Variants in ANTXR2 observed in about 807,000 individuals in gnomAD.
ANTXR2 encodes anthrax toxin receptor 2.
A neutral mutation model predicts 73.7 loss-of-function variants in ANTXR2; 44 were observed. The observed-to-expected ratio is 0.60, with a 90% CI of 0.47 to 0.77. ANTXR2 has a LOEUF of 0.77. Among genes scored for constraint, ANTXR2 ranks in the 30% least tolerant of loss-of-function variants. ANTXR2 has a pLI of 0.00. For synonymous variants in ANTXR2, 217 were observed against 205.9 expected (o/e 1.05, Z -0.46); for missense variants, 604 against 592.5 (o/e 1.02, Z -0.20).
At chr4:80,041,423 T>C (rs1219548580) in intron 7 of ANTXR2, among the ~76,000 whole-genome samples, 1 of 152,138 alleles carries the variant, frequency 6.6e-6, no homozygotes, top group Non-Finnish European at 1.5e-5. Flanking sequence ...TTTGCTTTTA[T>C]TTGTTAGGAT....
At chr4:80,004,759 C>G (rs1331583201) in intron 12 of ANTXR2, among the ~76,000 whole-genome samples, 1 of 151,992 alleles carries the variant, frequency 6.6e-6, no homozygotes, top group African/African-American at 2.4e-5. Flanking sequence ...TTACAAGGTT[C>G]CAGGGATTGA....
At chr4:80,061,782 G>A (rs1734274115) in intron 3 of ANTXR2, among the ~76,000 whole-genome samples, 1 of 151,940 alleles carries the variant, frequency 6.6e-6, no homozygotes, top group Non-Finnish European at 1.5e-5. Flanking sequence ...TACTTTTATT[G>A]TCTCCTTCCA....
At chr4:80,055,312 C>T (rs1055256157) in intron 5 of ANTXR2, 48 bp downstream of exon 5, 5 of 1,563,828 alleles carry the variant, frequency 3.2e-6, no homozygotes, top group Non-Finnish European at 3.5e-6. Flanking sequence ...CCGAGACACA[C>T]AGCGATGTAC....
chr4:80,025,121 C>T (rs900182204), intron 10 of ANTXR2, among the ~76,000 whole-genome samples: 4 of 152,204 alleles, frequency 2.6e-5, no homozygotes, highest in Non-Finnish European at 5.9e-5. Flanking sequence ...AGTGTACTTT[C>T]ATGTCAACTG....
At chr4:79,926,246 T>C (rs1010868034) in intron 16 of ANTXR2, among the ~76,000 whole-genome samples, 2 of 152,156 alleles carry the variant, frequency 1.3e-5, no homozygotes, top group Non-Finnish European at 1.5e-5. Flanking sequence ...TGAAGGAATT[T>C]AGTTAACCAT....
chr4:79,954,133 A>C (rs900888832), intron 16 of ANTXR2, among the ~76,000 whole-genome samples: 1 of 152,056 alleles, frequency 6.6e-6, no homozygotes, highest in African/African-American at 2.4e-5. Flanking sequence ...TTACCTACCT[A>C]CCTGCATGAA....
At chr4:80,045,593 TC>T (rs1733483576) in intron 7 of ANTXR2, among the ~76,000 whole-genome samples, 1 of 150,252 alleles carries the variant, frequency 6.7e-6, no homozygotes, top group Non-Finnish European at 1.5e-5. Context: ...TTTTTTTTTT[TC>T]CTGACTCATT....
At chr4:80,018,797 G>T in intron 11 of ANTXR2, 101 bp downstream of exon 11, 3 of 951,236 alleles carry the variant, frequency 3.2e-6, no homozygotes, top group Non-Finnish European at 4.6e-6. Context: ...GTTATTGTTT[G>T]CATCTCCTTT....
At chr4:80,004,446 T>C (rs1276745499) in intron 12 of ANTXR2, among the ~76,000 whole-genome samples, 1 of 151,818 alleles carries the variant, frequency 6.6e-6, no homozygotes, top group African/African-American at 2.4e-5. Flanking sequence ...CTGAAGTGAG[T>C]CTTACAGGGT....
Position 79,903,523 on chromosome 4 carries a change from C to T in ANTXR2, c.*3906G>A, listed in dbSNP as rs1301206969. On this transcript the variant is annotated 3_prime_UTR_variant, in exon 17 of 17. Transcript: ENST00000403729. ...ACAAAAATAAAATACATTAAAAAAC[C>T]AGCGCAGAACCTGCTACATTATGGA... 3.3e-5 allele frequency: 5 copies of T among 152,076 alleles called. No individual in the cohort carries two copies. The highest frequency in any genetic ancestry group is 1.2e-4 in the African/African-American group (5 of 41,424). The allele number at this position is 152,076 out of a possible 1,614,324, so 9.4% of individuals were successfully genotyped here.
At chr4:79,925,059 T>A (rs964091254) in intron 16 of ANTXR2, among the ~76,000 whole-genome samples, 3 of 152,124 alleles carry the variant, frequency 2.0e-5, no homozygotes, top group Admixed American at 1.3e-4. Flanking sequence ...TAAATATGTA[T>A]CATTGTATCT....
At chr4:79,988,636 T>C (rs1730315001) in intron 12 of ANTXR2, among the ~76,000 whole-genome samples, 1 of 152,066 alleles carries the variant, frequency 6.6e-6, no homozygotes, top group African/African-American at 2.4e-5. Context: ...ACCTCAGCAC[T>C]TAACCAAATG....
chr4:80,065,045 T>C (rs1044611719), intron 3 of ANTXR2, among the ~76,000 whole-genome samples: 1 of 152,168 alleles, frequency 6.6e-6, no homozygotes, highest in African/African-American at 2.4e-5. Flanking sequence ...AAAGTCGAGG[T>C]AATAACAGTA....
intron 16 of ANTXR2, among the ~76,000 whole-genome samples, chr4:79,956,064 G>C (rs1308424740): frequency 6.6e-6 from 1 of 151,980 alleles, no homozygotes; most frequent in Admixed American, 6.6e-5. Context: ...GTATACGAAG[G>C]GGTTGAATTA....
At chr4:80,005,236 T>C (rs1731248363) in intron 12 of ANTXR2, among the ~76,000 whole-genome samples, 1 of 152,136 alleles carries the variant, frequency 6.6e-6, no homozygotes, top group Non-Finnish European at 1.5e-5. Flanking sequence ...TGACACACCA[T>C]AAATGTGCCT....
At chr4:80,039,346 C>A (rs1046837522) in intron 7 of ANTXR2, among the ~76,000 whole-genome samples, 1 of 152,016 alleles carries the variant, frequency 6.6e-6, no homozygotes, top group African/African-American at 2.4e-5. Flanking sequence ...AACTAGAAAT[C>A]AAAATAATTT....
intron 12 of ANTXR2, among the ~76,000 whole-genome samples, chr4:80,003,583 A>G (rs978588386): frequency 6.6e-6 from 1 of 152,034 alleles, no homozygotes; most frequent in Admixed American, 6.6e-5. Context: ...AAAATAAAAT[A>G]AAAAGAAAAT....
In ANTXR2 at chr4:80,072,589, C is replaced by T. The variant is rs1314590170; in HGVS notation, c.-29G>A. The T allele has an allele frequency of 1.2e-5, 18 of 1,487,668 alleles. No homozygotes were observed. The Admixed American group carries it at 1.2e-4, about 10-fold the overall frequency. 92.2% of individuals were successfully genotyped at this position (1,487,668 alleles called of 1,614,324 possible). ...GCGGCCGGGGGCCTGAGACTCCCTC[C>T]CGCTCGCAGTCCCCTAAGCTCAGGA... On this transcript the variant is annotated 5_prime_UTR_variant, in exon 1 of 17. Transcript: ENST00000403729.
At chr4:80,044,592 C>T (rs982613576) in intron 7 of ANTXR2, among the ~76,000 whole-genome samples, 6 of 151,840 alleles carry the variant, frequency 4.0e-5, no homozygotes, top group Non-Finnish European at 5.9e-5. Context: ...TTGAGAGAAA[C>T]ATCTATGAGC....
Sources: gnomAD v4.1 joint callset for allele counts (sites outside exome capture counted in the v4.1 genomes callset) on GRCh38, gnomAD v4.1.1 for gene constraint, MANE v1.5 for transcripts, NCBI Gene and HGNC (gene_info 2026-07-23, HGNC 2026-07-21) for gene names.